The following ECT2L variants were observed in gnomAD, a reference collection of about 807,000 sequenced individuals.
ECT2L encodes epithelial cell transforming 2 like, also known as epithelial cell-transforming sequence 2 oncogene-like.
Under a neutral mutation model 122.8 loss-of-function variants are expected in ECT2L, and 126 were observed. The ratio of observed to expected loss-of-function variants is 1.03; its 90% CI spans 0.89 to 1.19. The LOEUF is 1.19. Ranked by LOEUF, ECT2L falls within the 50% of genes most tolerant of loss-of-function variation. The pLI is 0.00. For synonymous variants in ECT2L, 385 were observed against 381.8 expected (o/e 1.01, Z -0.10); for missense variants, 1,012 against 1,064.1 (o/e 0.95, Z 0.68).
At chr6:138,898,420 A>G (rs1033617943) in intron 20 of ECT2L, among the ~76,000 whole-genome samples, 3 of 152,162 alleles carry the variant, frequency 2.0e-5, no homozygotes, top group African/African-American at 7.2e-5. Flanking sequence ...AACAACTCCT[A>G]CTTCCTAACG....
At chr6:138,821,591 T>G (rs1021215943) in intron 4 of ECT2L, among the ~76,000 whole-genome samples, 1 of 152,250 alleles carries the variant, frequency 6.6e-6, no homozygotes, top group Non-Finnish European at 1.5e-5. Flanking sequence ...TAGAATTGTG[T>G]GCACCGCCAG....
At chr6:138,881,910 G>A (rs1019646744) in intron 15 of ECT2L, among the ~76,000 whole-genome samples, 14 of 152,124 alleles carry the variant, frequency 9.2e-5, no homozygotes, top group Admixed American at 1.3e-4. Context: ...CCTATCCATG[G>A]CCTGGGGGTT....
chr6:138,819,243 A>G (rs998655147), intron 4 of ECT2L, among the ~76,000 whole-genome samples: 1 of 61,394 alleles, frequency 1.6e-5, no homozygotes, highest in Non-Finnish European at 2.9e-5. Context: ...AAAAAAAAAA[A>G]AAAAAAAAGG....
rs765731727 is a variant in ECT2L at position 138,862,581 on chromosome 6, G to A, written c.1199-46G>A. The A allele has an allele frequency of 5.8e-6, 9 of 1,557,726 alleles. No homozygotes were observed. In the South Asian group the frequency reaches 1.0e-4, roughly 17 times the overall value. ...ATATCCAAGTTATATGATCTTCCAT[G>A]GCAAAATATATGAGGAAACTAACGA... On this transcript the variant is annotated intron_variant, in intron 10 of 21. Coordinates refer to ENST00000541398, the MANE Select transcript of ECT2L (RefSeq NM_001077706.3).
intron 4 of ECT2L, among the ~76,000 whole-genome samples, chr6:138,817,863 TA>T (rs2128375828): frequency 6.6e-6 from 1 of 152,330 alleles, no homozygotes; most frequent in South Asian, 2.1e-4. Context: ...CTTTTCTTGG[TA>T]TGTTATGGCC....
chr6:138,811,016 G>C (rs1775873729), intron 1 of ECT2L, among the ~76,000 whole-genome samples: 1 of 152,198 alleles, frequency 6.6e-6, no homozygotes, highest in Non-Finnish European at 1.5e-5. Context: ...TATGCATGCT[G>C]TCATCTAATC....
At chr6:138,849,543 T>A in intron 9 of ECT2L, 109 bp downstream of exon 9, 1 of 1,213,362 alleles carries the variant, frequency 8.2e-7, no homozygotes, top group East Asian at 2.8e-5. Context: ...TAAGACGTGT[T>A]GATTTTTTGG....
chr6:138,840,588 AT>A (rs35353860), intron 5 of ECT2L, among the ~76,000 whole-genome samples: 75,176 of 151,574 alleles, frequency 0.5, 19,271 homozygotes, highest in Middle Eastern at 0.68. Flanking sequence ...TTGGCAGCTA[AT>A]TTTTTTTTAT....
chr6:138,821,723 C>T (rs1229653064), intron 4 of ECT2L, among the ~76,000 whole-genome samples: 3 of 152,382 alleles, frequency 2.0e-5, no homozygotes, highest in African/African-American at 7.2e-5. Context: ...AAGCACAGTT[C>T]TGAGTGCATG....
chr6:138,890,622 T>C (rs536381180), intron 20 of ECT2L, among the ~76,000 whole-genome samples: 2 of 151,458 alleles, frequency 1.3e-5, no homozygotes, highest in African/African-American at 4.8e-5. Context: ...CTATGATGAT[T>C]CCAGTTTTTG....
chr6:138,847,801 A>T (rs1311954378), intron 8 of ECT2L, among the ~76,000 whole-genome samples: 1 of 152,130 alleles, frequency 6.6e-6, no homozygotes, highest in Non-Finnish European at 1.5e-5. Context: ...TCACCCATTG[A>T]TGCTACATGT....
intron 20 of ECT2L, among the ~76,000 whole-genome samples, chr6:138,898,878 A>G (rs1779302013): frequency 6.6e-6 from 1 of 152,162 alleles, no homozygotes; most frequent in African/African-American, 2.4e-5. Context: ...TTTTTGATAT[A>G]CATACATACT....
intron 9 of ECT2L, among the ~76,000 whole-genome samples, chr6:138,850,534 T>TTTTG (rs35960691): frequency 0.87 from 132,843 of 151,876 alleles, 58,519 homozygotes; most frequent in East Asian, 1. Flanking sequence ...ATATAGTATG[T>TTTTG]TTTATCTGTT....
At chr6:138,837,035 T>C (rs188639304) in intron 4 of ECT2L, among the ~76,000 whole-genome samples, 1 of 152,294 alleles carries the variant, frequency 6.6e-6, no homozygotes, top group African/African-American at 2.4e-5. Flanking sequence ...TCTGAGTTTA[T>C]GGTGTGTTCA....
rs1243567436 is a variant in ECT2L, at chr6:138,886,899, C to T, written c.2302C>T (p.Gln768Ter). 1 of 1,613,448 alleles carries T rather than the reference C, an allele frequency of 6.2e-7. No individual in the cohort carries two copies. Among genetic ancestry groups the T allele is most frequent in the South Asian group, 1.1e-5 (1 of 90,938 alleles). Reference protein sequence around the residue: ...ITMKDHLSDIQRIIWGCPTLS... With the variant: ...ITMKDHLSDI ...TATGAAGGATCATCTGTCAGATATA[C>T]AGAGAATCATCTGGGGATGCCCTGT... Residue 768 changes from glutamine to a stop codon, truncating the protein, a stop_gained, in exon 19 of 22, where the codon CAG (glutamine) becomes TAG (stop). Transcript: ENST00000541398. LOFTEE classifies it high-confidence loss of function.
chr6:138,800,101 A>G (rs2128367416), intron 1 of ECT2L, among the ~76,000 whole-genome samples: 1 of 152,238 alleles, frequency 6.6e-6, no homozygotes, highest in East Asian at 1.9e-4. Flanking sequence ...GGGGTCTTCT[A>G]TTTTATTCCT....
intron 10 of ECT2L, among the ~76,000 whole-genome samples, chr6:138,860,338 A>G (rs1044810775): frequency 1.3e-5 from 2 of 151,918 alleles, no homozygotes; most frequent in Non-Finnish European, 2.9e-5. Context: ...ATATGGATAG[A>G]GGTTAATTTT....
At chr6:138,827,847 C>T (rs1484120664) in intron 4 of ECT2L, among the ~76,000 whole-genome samples, 1 of 152,182 alleles carries the variant, frequency 6.6e-6, no homozygotes, top group Non-Finnish European at 1.5e-5. Flanking sequence ...CATAAGACAC[C>T]ACGCCCAGCC....
At chr6:138,871,521 C>T (rs998590364) in intron 13 of ECT2L, among the ~76,000 whole-genome samples, 15 of 152,188 alleles carry the variant, frequency 9.9e-5, no homozygotes, top group African/African-American at 3.6e-4. Flanking sequence ...AAGACCCATC[C>T]TTGGCCAGGC....
Sources: allele counts gnomAD v4.1 joint callset (sites outside exome capture counted in the v4.1 genomes callset), GRCh38; gene constraint gnomAD v4.1.1; transcripts MANE v1.5; gene names NCBI Gene and HGNC (gene_info 2026-07-23, HGNC 2026-07-21).